CABP5: variants seen among roughly 807,000 people sequenced by gnomAD.
The protein encoded by CABP5 is calcium-binding protein 5.
CABP5 carries 17 observed loss-of-function variants against 21.9 expected under a neutral mutation model. The ratio of observed to expected loss-of-function variants is 0.78; its 90% confidence interval spans 0.53 to 1.17. The LOEUF is 1.17. Among genes scored for constraint, CABP5 ranks in the 50% most tolerant of loss-of-function variants. The pLI, the probability that CABP5 is intolerant of heterozygous loss-of-function variation, is 0.00. For synonymous variants in CABP5, 85 were observed against 79.4 expected (o/e 1.07, Z -0.37); for missense variants, 229 against 228.9 (o/e 1.00, Z 0.00).
At chr19:48,040,877 A>T (rs1210125697) in intron 2 of CABP5, 129 bp from the exon 3 acceptor site, 1 of 897,434 alleles carries the variant, frequency 1.1e-6, no homozygotes, top group Admixed American at 2.7e-5. Context: ...ACAAAACAAA[A>T]CAAAACAAAA....
intron 4 of CABP5, among the ~76,000 whole-genome samples, chr19:48,037,419 C>T (rs1279568156): frequency 6.6e-6 from 1 of 151,500 alleles, no homozygotes; most frequent in Non-Finnish European, 1.5e-5. Context: ...CACGCATGTA[C>T]CACCACGCCT....
intron 4 of CABP5, among the ~76,000 whole-genome samples, 160 bp from the exon 5 acceptor site, chr19:48,034,522 T>C (rs1290230542): frequency 5.1e-5 from 4 of 78,340 alleles, no homozygotes; most frequent in Admixed American, 2.7e-4. Flanking sequence ...TTTGTTCTGT[T>C]TTTTTTTTTC....
intron 2 of CABP5, 77 bp from the exon 3 acceptor site, chr19:48,040,825 GAGGCTCCA>G: frequency 2.1e-6 from 3 of 1,462,220 alleles, no homozygotes; most frequent in Non-Finnish European, 2.9e-6. Context: ...AGCTATCAAT[GAGGCTCCA>G]ACTAGAGACT....
chr19:48,030,470 G>T lies in CABP5; in HGVS notation c.*87C>A, dbSNP rs1171097. 14 of 1,391,988 alleles carry T rather than the reference G, an allele frequency of 1.0e-5. No individual in the cohort carries two copies. The African/African-American group carries it at 1.6e-4, about 16-fold the overall frequency. The allele number at this position is 1,391,988 out of a possible 1,614,324, so 86.2% of individuals were successfully genotyped here. On this transcript the variant is annotated 3_prime_UTR_variant, in exon 6 of 6. Transcript: ENST00000293255. Reference sequence around the variant, plus strand: ...CCTGCCCTCCCTCTCTGCTTTAAGGGGATCTGGGGCTTTTGGGCTTTGGTT... The same window carrying T: ...CCTGCCCTCCCTCTCTGCTTTAAGGTGATCTGGGGCTTTTGGGCTTTGGTT...
At chr19:48,038,725 G>C (rs1445468596) in intron 4 of CABP5, among the ~76,000 whole-genome samples, 1 of 152,096 alleles carries the variant, frequency 6.6e-6, no homozygotes, top group Non-Finnish European at 1.5e-5. Flanking sequence ...TACTTAGGAG[G>C]CTGAGACAGG....
intron 4 of CABP5, 105 bp from the exon 5 acceptor site, chr19:48,034,467 G>C: frequency 1.2e-6 from 1 of 834,586 alleles, no homozygotes; most frequent in Non-Finnish European, 1.7e-6. Context: ...TGAGATAAAA[G>C]CTTTGGGAAT....
intron 5 of CABP5, among the ~76,000 whole-genome samples, chr19:48,032,039 C>G (rs1333660124): frequency 1.3e-5 from 2 of 151,814 alleles, no homozygotes; most frequent in African/African-American, 4.8e-5. Flanking sequence ...TGGAGAGGAA[C>G]AGAAAAACTT....
intron 2 of CABP5, 163 bp downstream of exon 2, chr19:48,041,410 A>C (rs1967480219): frequency 4.2e-6 from 3 of 716,644 alleles, no homozygotes; most frequent in Non-Finnish European, 7.2e-6. Context: ...GAAGTCCTTC[A>C]ACTGCCACGA....
At chr19:48,038,076 G>A (rs1448575275) in intron 4 of CABP5, among the ~76,000 whole-genome samples, 1 of 152,024 alleles carries the variant, frequency 6.6e-6, no homozygotes, top group Non-Finnish European at 1.5e-5. Context: ...ACCATGTCTG[G>A]CTAAATTTTT....
chr19:48,043,961 G>T lies in CABP5; in HGVS notation c.-39C>A. The T allele has an allele frequency of 2.0e-6, 3 of 1,492,552 alleles. No homozygotes were observed. The highest frequency in any genetic ancestry group is 2.7e-6 in the Non-Finnish European group (3 of 1,121,730). 92.5% of individuals were successfully genotyped at this position (1,492,552 alleles called of 1,614,324 possible). A position where few individuals can be genotyped will look rare whatever the true frequency, so the allele number is the denominator to read the frequency against. Reference sequence around the variant, plus strand: ...GGAGCTCGCAGGGCACCAGTCTCAAGATGGCCCCTCCTCCCTGCTCCCTGT... The same window carrying T: ...GGAGCTCGCAGGGCACCAGTCTCAATATGGCCCCTCCTCCCTGCTCCCTGT... On this transcript the variant is annotated 5_prime_UTR_variant, in exon 1 of 6. Coordinates refer to ENST00000293255, the MANE Select transcript of CABP5 (RefSeq NM_019855.5).
intron 4 of CABP5, among the ~76,000 whole-genome samples, chr19:48,037,299 G>A (rs758427368): frequency 8.3e-5 from 7 of 84,682 alleles, no homozygotes; most frequent in East Asian, 7.2e-4. Context: ...GTGGAGTTTC[G>A]CTCTTTTTAC....
chr19:48,042,317 G>A (rs994299998), intron 1 of CABP5, among the ~76,000 whole-genome samples: 3 of 152,150 alleles, frequency 2.0e-5, no homozygotes, highest in Non-Finnish European at 2.9e-5. Context: ...GCATTCAATG[G>A]CTTTCAGGCA....
At chr19:48,041,626 G>A (rs1286665088) in intron 1 of CABP5, 23 bp from the exon 2 acceptor site, 2 of 1,608,688 alleles carry the variant, frequency 1.2e-6, no homozygotes, top group African/African-American at 1.3e-5. Context: ...GCAGATGAGA[G>A]GGAATTTGGA....
intron 3 of CABP5, among the ~76,000 whole-genome samples, chr19:48,039,894 T>G (rs1217232224): frequency 6.6e-6 from 1 of 151,822 alleles, no homozygotes; most frequent in Non-Finnish European, 1.5e-5. Flanking sequence ...TTTGTATTTT[T>G]AGTAGAGACG....
rs114751600 is a variant in CABP5, at chr19:48,034,280, G to A, written c.431C>T (p.Pro144Leu). The A allele has an allele frequency of 1.2e-6, 2 of 1,608,280 alleles. No homozygotes were observed. Among genetic ancestry groups the A allele is most frequent in the South Asian group, 1.1e-5 (1 of 90,278 alleles). ...MQRLLGERLT[P>L]REISEVVREA... ...CCGGACAACCTCAGAGATCTCCCGG[G>A]GGGTGAGCCGCTCCCCCAGGAGTCT... is the stretch of plus-strand genomic sequence containing the variant. The change falls in exon 5 of 6, where the codon CCC becomes CTC. Residue 144 changes from proline (P) to leucine (L), a missense_variant. Transcript: ENST00000293255.
chr19:48,040,914 T>C (rs55863919), intron 2 of CABP5, among the ~76,000 whole-genome samples, 166 bp from the exon 3 acceptor site: 34,376 of 151,946 alleles, frequency 0.23, 4,332 homozygotes, highest in African/African-American at 0.34. Flanking sequence ...TGGTGGCTCA[T>C]GGCTGTAATC....
intron 2 of CABP5, chr19:48,041,227 G>A: frequency 2.9e-6 from 1 of 350,804 alleles, no homozygotes. Context: ...TGTATGAAAT[G>A]TGTTAGCAAA....
intron 1 of CABP5, among the ~76,000 whole-genome samples, chr19:48,042,391 C>T (rs1967492036): frequency 6.6e-6 from 1 of 152,204 alleles, no homozygotes; most frequent in South Asian, 2.1e-4. Flanking sequence ...ATTGCTGCCC[C>T]ACCTACTCCT....
chr19:48,042,273 C>G (rs1383352916), intron 1 of CABP5, among the ~76,000 whole-genome samples: 1 of 152,182 alleles, frequency 6.6e-6, no homozygotes, highest in Admixed American at 6.5e-5. Flanking sequence ...TCCAATCTTC[C>G]TGCCAAAGGT....
Sources: gnomAD v4.1 joint callset for allele counts (sites outside exome capture counted in the v4.1 genomes callset) on GRCh38, gnomAD v4.1.1 for gene constraint, MANE v1.5 for transcripts, NCBI Gene and HGNC (gene_info 2026-07-23, HGNC 2026-07-21) for gene names.